The following MME variants were observed in gnomAD, a reference collection of about 807,000 sequenced individuals.
MME encodes the protein neprilysin.
A neutral mutation model predicts 113.2 loss-of-function variants in MME; 98 were observed. The observed-to-expected ratio is 0.87, with a 90% CI of 0.74 to 1.02. The LOEUF (loss-of-function observed/expected upper bound fraction) is 1.02. MME is among the 50% of genes least tolerant of loss of function. The probability of loss-of-function intolerance (pLI) is 0.00; values close to 1 mark genes in which losing one functional copy is unlikely to be tolerated. For synonymous variants in MME, 292 were observed against 300.6 expected (o/e 0.97, Z 0.30); for missense variants, 836 against 896.0 (o/e 0.93, Z 0.86).
chr3:155,079,639 T>TGG (rs1253428536), upstream of MME: 1 of 89,842 alleles, frequency 1.1e-5, no homozygotes, highest in Non-Finnish European at 2.1e-5. Context: ...GTGGGGGGGG[T>TGG]GGGCCGTGAG....
At chr3:155,072,092 C>T (rs1458706025) in intron 1 of MME, among the ~76,000 whole-genome samples, 1 of 134,708 alleles carries the variant, frequency 7.4e-6, no homozygotes, top group African/African-American at 2.7e-5. Context: ...ACCCGGGAAG[C>T]GGAGCTTGCA....
At chr3:155,073,461 G>A (rs111872709) in intron 1 of MME, among the ~76,000 whole-genome samples, 4,518 of 152,218 alleles carry the variant, frequency 0.03, 106 homozygotes, top group South Asian at 0.099. Context: ...AGTCTACTAA[G>A]CCTTGTGCAC....
upstream of MME, among the ~76,000 whole-genome samples, chr3:155,076,194 C>T (rs115634923): frequency 1.1e-3 from 170 of 152,262 alleles, no homozygotes; most frequent in African/African-American, 3.7e-3. Context: ...GAAGTCTGGC[C>T]AAATCATGAA....
Position 155,140,229 on chromosome 3 carries a change from T to C in MME, c.894T>C (p.Leu298=). The change falls in exon 10 of 23, where the codon CTT becomes CTC. Residue 298 remains leucine (L), a synonymous_variant. Transcript: ENST00000360490. ...AKPEDRNDPM[L]LYNKMTLAQI... The stretch of plus-strand genomic sequence containing the variant: ...CTGAAGATCGAAATGATCCAATGCT[T>C]CTGTATAACAAGATGACATTGGCCC... 6.2e-7 allele frequency: 1 copy of C among 1,612,790 alleles called. No homozygotes were observed. Among genetic ancestry groups the C allele is most frequent in the African/African-American group, 1.3e-5 (1 of 74,982 alleles).
In MME at chr3:155,151,074, A is replaced by G. The variant is rs61760369; in HGVS notation, c.1601+2421A>G. 1.2e-4 allele frequency among the ~76,000 whole-genome samples: 17 copies of G among 146,684 alleles called. No homozygotes were observed. In the South Asian group the frequency reaches 3.7e-3, roughly 32 times the overall value. ...TGGGCGACAGAGCAAGAATCCGTCT[A>G]AAAAAAAAAATGTAATAAAGTCATT... On this transcript the variant is annotated intron_variant, in intron 16 of 22. Transcript: ENST00000360490.
intron 1 of MME, among the ~76,000 whole-genome samples, chr3:155,028,085 A>AG (rs1358625352): frequency 6.6e-6 from 1 of 152,168 alleles, no homozygotes; most frequent in Non-Finnish European, 1.5e-5. Flanking sequence ...GAAAGGGGTG[A>AG]GGACCATCAT....
At chr3:155,042,900 T>TA (rs1713382308) in intron 1 of MME, among the ~76,000 whole-genome samples, 33 of 62,960 alleles carry the variant, frequency 5.2e-4, no homozygotes, top group Middle Eastern at 0.014. Context: ...ATAGTAGGTT[T>TA]TATATATATA....
intron 8 of MME, among the ~76,000 whole-genome samples, chr3:155,119,529 C>T (rs1472557105): frequency 3.8e-5 from 5 of 132,392 alleles, no homozygotes; most frequent in East Asian, 4.7e-4. Context: ...AACTCGTCAT[C>T]TAGCATTAGG....
At chr3:155,063,179 C>A (rs1714218591) in intron 1 of MME, among the ~76,000 whole-genome samples, 1 of 118,372 alleles carries the variant, frequency 8.4e-6, no homozygotes, top group Admixed American at 9.6e-5. Context: ...ATATTATATA[C>A]TTTGTAATAT....
At position 155,118,617 on chromosome 3, in the gene MME, G is replaced by C. The variant is rs989214398; in HGVS notation, c.655-129G>C. 6 of 681,102 alleles carry C rather than the reference G, an allele frequency of 8.8e-6. No individual in the cohort carries two copies. In the African/African-American group the frequency reaches 1.1e-4, roughly 12 times the overall value. The allele number at this position is 681,102 out of a possible 1,614,324, so 42.2% of individuals were successfully genotyped here. A position where few individuals can be genotyped will look rare whatever the true frequency, so the allele number is the denominator to read the frequency against. On this transcript the variant is annotated intron_variant, in intron 7 of 22. Coordinates refer to ENST00000360490, the MANE Select transcript of MME (RefSeq NM_007289.4). The stretch of plus-strand genomic sequence containing the variant: ...CATTTCCTAACTAGGTATTTATTGA[G>C]TGTCTGATGGTCACCCCATAAACAG...
intron 1 of MME, among the ~76,000 whole-genome samples, chr3:155,057,387 C>G (rs992822563): frequency 2.0e-5 from 3 of 151,942 alleles, no homozygotes; most frequent in African/African-American, 7.3e-5. Context: ...CAAATCAAAA[C>G]CACAATGAGA....
At chr3:155,040,622 G>C (rs1303205061) in intron 1 of MME, among the ~76,000 whole-genome samples, 1 of 151,898 alleles carries the variant, frequency 6.6e-6, no homozygotes, top group Non-Finnish European at 1.5e-5. Flanking sequence ...AAAAAGGACA[G>C]TACAGTAGAT....
chr3:155,033,005 T>C (rs1713021841), intron 1 of MME, among the ~76,000 whole-genome samples: 1 of 152,212 alleles, frequency 6.6e-6, no homozygotes, highest in South Asian at 2.1e-4. Flanking sequence ...ATACTAAAGA[T>C]GTAACTGTCA....
At chr3:155,060,195 G>C (rs1355339497) in intron 1 of MME, among the ~76,000 whole-genome samples, 3 of 152,178 alleles carry the variant, frequency 2.0e-5, no homozygotes, top group Non-Finnish European at 4.4e-5. Flanking sequence ...TGATTTCACA[G>C]CTGTGAGACA....
intron 8 of MME, among the ~76,000 whole-genome samples, chr3:155,135,516 C>T (rs1720552399): frequency 6.6e-6 from 1 of 152,108 alleles, no homozygotes; most frequent in South Asian, 2.1e-4. Flanking sequence ...GTACCCAGAC[C>T]ATGCTGTTTT....
chr3:155,136,191 T>C (rs9869317), intron 8 of MME, among the ~76,000 whole-genome samples: 6 of 151,992 alleles, frequency 3.9e-5, no homozygotes, highest in African/African-American at 1.5e-4. Flanking sequence ...TGAATAGGAG[T>C]GGGGAGAATG....
At chr3:155,087,576 A>G (rs1715875028) in intron 3 of MME, among the ~76,000 whole-genome samples, 1 of 152,136 alleles carries the variant, frequency 6.6e-6, no homozygotes, top group Admixed American at 6.5e-5. Flanking sequence ...TTATATGCTC[A>G]GGCTGTCCTG....
At chr3:155,143,885 C>T (rs1430855893) in intron 13 of MME, among the ~76,000 whole-genome samples, 1 of 152,004 alleles carries the variant, frequency 6.6e-6, no homozygotes, top group African/African-American at 2.4e-5. Flanking sequence ...TCAAAATTGC[C>T]CCCAAATTAG....
chr3:155,024,735 T>A (rs1341299701), intron 1 of MME, among the ~76,000 whole-genome samples: 3 of 152,148 alleles, frequency 2.0e-5, no homozygotes, highest in Non-Finnish European at 2.9e-5. Flanking sequence ...AATAAGAGCA[T>A]AACATAGAAA....
Sources: allele counts gnomAD v4.1 joint callset (sites outside exome capture counted in the v4.1 genomes callset), GRCh38; gene constraint gnomAD v4.1.1; transcripts MANE v1.5; gene names NCBI Gene and HGNC (gene_info 2026-07-23, HGNC 2026-07-21).